CLNK: variants seen among roughly 807,000 people sequenced by gnomAD.
The protein encoded by CLNK is cytokine-dependent hematopoietic cell linker.
Under a neutral mutation model 68.6 loss-of-function variants are expected in CLNK, and 74 were observed. That is an observed-to-expected ratio of 1.08 (90% CI 0.89 to 1.31). The LOEUF is 1.31. Among genes scored for constraint, CLNK ranks in the 50% most tolerant of loss-of-function variants. CLNK has a pLI of 0.00. For missense variants in CLNK, 553 were observed against 515.3 expected (o/e 1.07, Z -0.71); for synonymous variants, 198 against 172.2 (o/e 1.15, Z -1.17).
At chr4:10,678,781 C>T (rs13151364) in intron 1 of CLNK, among the ~76,000 whole-genome samples, 37,873 of 151,972 alleles carry the variant, frequency 0.25, 5,335 homozygotes, top group Admixed American at 0.31. Flanking sequence ...TCACAATTGC[C>T]TCAAAGAAAA....
the CLNK span, among the ~76,000 whole-genome samples, chr4:10,724,284 C>G: frequency 6.6e-6 from 1 of 152,102 alleles, no homozygotes; most frequent in Non-Finnish European, 1.5e-5. Context: ...ATAACTCCCT[C>G]GCCTCCTCCT....
chr4:10,555,246 A>G (rs1382435312), intron 8 of CLNK, among the ~76,000 whole-genome samples: 1 of 152,080 alleles, frequency 6.6e-6, no homozygotes, highest in Non-Finnish European at 1.5e-5. Context: ...AGTTCTTTAT[A>G]AATTCATTCT....
chr4:10,613,380 A>G lies in CLNK; in HGVS notation c.12-15331T>C, dbSNP rs541401088. On this transcript the variant is annotated intron_variant, in intron 2 of 18. Transcript: ENST00000226951. ...ACTGAAGGAAAAGTTCAAAGGCAGG[A>G]ATGTGGCTAAGTAGTTGAATCAAGG... Among the ~76,000 whole-genome samples, 5 of 152,336 alleles carry G rather than the reference A, an allele frequency of 3.3e-5. No individual in the cohort carries two copies. In the East Asian group the frequency reaches 7.7e-4, roughly 24 times the overall value.
intron 12 of CLNK, among the ~76,000 whole-genome samples, chr4:10,530,031 C>T (rs1327630034): frequency 2.0e-5 from 3 of 151,786 alleles, no homozygotes; most frequent in Non-Finnish European, 4.4e-5. Context: ...CTTTTCCTTC[C>T]TCCCTTTCTT....
intron 2 of CLNK, among the ~76,000 whole-genome samples, chr4:10,636,783 C>T (rs1364156561): frequency 3.9e-5 from 6 of 152,158 alleles, no homozygotes; most frequent in Admixed American, 3.9e-4. Flanking sequence ...TGGAGGTTGC[C>T]TTCTAAAGGT....
At chr4:10,610,076 A>T (rs1721951457) in intron 2 of CLNK, among the ~76,000 whole-genome samples, 1 of 73,442 alleles carries the variant, frequency 1.4e-5, no homozygotes. Context: ...TTTTTTTTTG[A>T]GACGGAGTCT....
chr4:10,675,869 T>G (rs1724850920), intron 1 of CLNK, among the ~76,000 whole-genome samples: 1 of 152,182 alleles, frequency 6.6e-6, no homozygotes, highest in Non-Finnish European at 1.5e-5. Context: ...AGGTCTATAT[T>G]AAGGCTTAAG....
At chr4:10,567,603 G>C (rs978618507) in intron 5 of CLNK, among the ~76,000 whole-genome samples, 2 of 152,130 alleles carry the variant, frequency 1.3e-5, no homozygotes, top group African/African-American at 4.8e-5. Flanking sequence ...TGAAAATCTT[G>C]TGTGCTTCAA....
intron 1 of CLNK, among the ~76,000 whole-genome samples, chr4:10,671,581 G>GA (rs1184349553): frequency 3.9e-5 from 6 of 152,164 alleles, no homozygotes; most frequent in Non-Finnish European, 7.3e-5. Context: ...AGGATGTGGT[G>GA]AAGTCAGTCA....
intron 18 of CLNK, among the ~76,000 whole-genome samples, chr4:10,500,644 G>T (rs1318835283): frequency 6.7e-6 from 1 of 149,870 alleles, no homozygotes; most frequent in African/African-American, 2.5e-5. Flanking sequence ...CTGTACTCTG[G>T]CCTGGGTGAC....
chr4:10,686,939 T>C (rs1180483466), upstream of CLNK, among the ~76,000 whole-genome samples: 5 of 152,168 alleles, frequency 3.3e-5, no homozygotes, highest in Admixed American at 3.3e-4. Context: ...TAATTTATTA[T>C]CTATTGAATA....
At chr4:10,511,637 T>C (rs961106775) in intron 16 of CLNK, among the ~76,000 whole-genome samples, 2 of 152,222 alleles carry the variant, frequency 1.3e-5, no homozygotes, top group Non-Finnish European at 2.9e-5. Flanking sequence ...ATGTCTGACT[T>C]ATTTCACTCA....
At chr4:10,509,236 A>T (rs1717458620) in intron 16 of CLNK, among the ~76,000 whole-genome samples, 1 of 152,082 alleles carries the variant, frequency 6.6e-6, no homozygotes, top group African/African-American at 2.4e-5. Context: ...CTGATATATT[A>T]AATACTGAGA....
intron 11 of CLNK, among the ~76,000 whole-genome samples, chr4:10,533,687 T>A (rs1413997564): frequency 9.9e-5 from 15 of 152,164 alleles, no homozygotes. Flanking sequence ...ACCCAGAGTA[T>A]TAATTATTTT....
intron 7 of CLNK, among the ~76,000 whole-genome samples, chr4:10,563,884 G>A (rs1236237506): frequency 6.6e-6 from 1 of 151,936 alleles, no homozygotes; most frequent in Admixed American, 6.6e-5. Flanking sequence ...TCCAGCCTGG[G>A]CAACAGAGCA....
At chr4:10,550,035 A>G (rs1719385134) in intron 8 of CLNK, among the ~76,000 whole-genome samples, 1 of 152,218 alleles carries the variant, frequency 6.6e-6, no homozygotes, top group Non-Finnish European at 1.5e-5. Context: ...CCATGAAGAC[A>G]TTGTCAATAT....
At chr4:10,569,646 C>T (rs992156372) in intron 5 of CLNK, among the ~76,000 whole-genome samples, 1 of 152,212 alleles carries the variant, frequency 6.6e-6, no homozygotes, top group African/African-American at 2.4e-5. Context: ...CACCAGTCTG[C>T]AACAGATGCA....
chr4:10,649,108 T>C (rs1282124242), intron 2 of CLNK, among the ~76,000 whole-genome samples: 1 of 152,178 alleles, frequency 6.6e-6, no homozygotes, highest in African/African-American at 2.4e-5. Context: ...GATGTGTTAC[T>C]TTTCTTTACG....
intron 4 of CLNK, among the ~76,000 whole-genome samples, chr4:10,572,208 A>G (rs1720381425): frequency 6.6e-6 from 1 of 152,264 alleles, no homozygotes; most frequent in Admixed American, 6.5e-5. Flanking sequence ...TAATCTGTCC[A>G]TACATCTGTC....
Sources: allele counts gnomAD v4.1 joint callset (sites outside exome capture counted in the v4.1 genomes callset), GRCh38; gene constraint gnomAD v4.1.1; transcripts MANE v1.5; gene names NCBI Gene and HGNC (gene_info 2026-07-23, HGNC 2026-07-21).